Variants in FBN1 observed in about 807,000 individuals in gnomAD.
The protein encoded by FBN1 is fibrillin 1, also known as fibrillin-1.
In FBN1, 29 loss-of-function variants were observed where a neutral mutation model predicts 365.1. The ratio of observed to expected loss-of-function variants is 0.08; its 90% CI spans 0.06 to 0.11. The LOEUF (loss-of-function observed/expected upper bound fraction) is 0.11. Among genes scored for constraint, FBN1 ranks in the 10% least tolerant of loss-of-function variants. The probability of loss-of-function intolerance (pLI) is 1.00; values close to 1 mark genes in which losing one functional copy is unlikely to be tolerated. For missense variants in FBN1, 2,476 were observed against 3,703.2 expected (o/e 0.67, Z 8.60); for synonymous variants, 1,210 against 1,270.5 (o/e 0.95, Z 1.01).
At chr15:48,496,761 T>A (rs1011512091) in intron 19 of FBN1, among the ~76,000 whole-genome samples, 2 of 152,184 alleles carry the variant, frequency 1.3e-5, no homozygotes, top group Non-Finnish European at 2.9e-5. Flanking sequence ...GGAATTTAGC[T>A]TCATGATTCA....
chr15:48,411,645 T>C (rs1225199455), intron 65 of FBN1, among the ~76,000 whole-genome samples: 1 of 152,248 alleles, frequency 6.6e-6, no homozygotes, highest in South Asian at 2.1e-4. Context: ...CTGAACAAGC[T>C]GCATCAGCAT....
intron 6 of FBN1, among the ~76,000 whole-genome samples, chr15:48,539,899 T>C (rs895754270): frequency 6.6e-6 from 1 of 152,216 alleles, no homozygotes; most frequent in African/African-American, 2.4e-5. Context: ...GTATGCCAGA[T>C]TTATTCAAAA....
At chr15:48,636,981 G>A (rs1001426389) in intron 2 of FBN1, among the ~76,000 whole-genome samples, 1 of 152,192 alleles carries the variant, frequency 6.6e-6, no homozygotes, top group African/African-American at 2.4e-5. Flanking sequence ...GCCTGATCTC[G>A]TTTCCCTTTA....
At chr15:48,421,446 C>A (rs1056970998) in intron 62 of FBN1, 112 bp downstream of exon 62, 24 of 1,342,854 alleles carry the variant, frequency 1.8e-5, no homozygotes, top group Non-Finnish European at 2.1e-5. Context: ...TGAGTGCCCC[C>A]CTGGGCTCAG....
chr15:48,481,525 G>T (rs1566908023), intron 32 of FBN1, 130 bp downstream of exon 32: 1 of 1,038,510 alleles, frequency 9.6e-7, no homozygotes, highest in Non-Finnish European at 1.4e-6. Context: ...CTAAATTAAT[G>T]AAAAATGTTA....
intron 6 of FBN1, among the ~76,000 whole-genome samples, chr15:48,538,838 G>A (rs1399002382): frequency 6.6e-6 from 1 of 152,126 alleles, no homozygotes; most frequent in East Asian, 1.9e-4. Context: ...AGTGATCCCT[G>A]TGAGTCTAAA....
chr15:48,482,867 A>G (rs1023416186), intron 31 of FBN1, among the ~76,000 whole-genome samples: 3 of 152,218 alleles, frequency 2.0e-5, no homozygotes, highest in Non-Finnish European at 2.9e-5. Context: ...GGAAAGCCTC[A>G]TAATTCACAG....
intron 8 of FBN1, among the ~76,000 whole-genome samples, chr15:48,528,577 G>A: frequency 6.6e-6 from 1 of 152,104 alleles, no homozygotes; most frequent in East Asian, 1.9e-4. Context: ...ATAAAGTGAG[G>A]CTAAACCCAA....
chr15:48,409,726 A>G lies in FBN1; in HGVS notation c.*1264T>C, dbSNP rs1406956988. 6.6e-6 allele frequency: 1 copy of G among 152,210 alleles called. No individual in the cohort carries two copies. Among genetic ancestry groups the G allele is most frequent in the Non-Finnish European group, 1.5e-5 (1 of 68,036 alleles). 9.4% of individuals were successfully genotyped at this position (152,210 alleles called of 1,614,324 possible). A position where few individuals can be genotyped will look rare whatever the true frequency, so the allele number is the denominator to read the frequency against. On this transcript the variant is annotated 3_prime_UTR_variant, in exon 66 of 66. Transcript: ENST00000316623. ...AACTGTGTATATTTGAGAGGGGGGC[A>G]TGATAAATCTATTATAATGAAATTC... is the stretch of plus-strand genomic sequence containing the variant.
At chr15:48,438,088 T>C (rs1392226556) in intron 50 of FBN1, among the ~76,000 whole-genome samples, 171 bp from the exon 51 acceptor site, 1 of 152,168 alleles carries the variant, frequency 6.6e-6, no homozygotes, top group Non-Finnish European at 1.5e-5. Flanking sequence ...AAGTCATGGG[T>C]ATCTTTTGTA....
intron 4 of FBN1, among the ~76,000 whole-genome samples, chr15:48,606,738 T>C (rs753265663): frequency 6.6e-5 from 10 of 152,212 alleles, no homozygotes; most frequent in Non-Finnish European, 1.2e-4. Context: ...GAAAACTAAA[T>C]AAAGAATACC....
chr15:48,573,165 T>C (rs756009154), intron 6 of FBN1, among the ~76,000 whole-genome samples: 28 of 152,210 alleles, frequency 1.8e-4, no homozygotes, highest in Non-Finnish European at 3.1e-4. Flanking sequence ...AAATCTTTCT[T>C]TGAGATCTAT....
chr15:48,497,294 T>C lies in FBN1; in HGVS notation c.2265A>G (p.Glu755=). ...TYKCICNSGY[E]VDSTGKNCVD... is the part of the protein sequence containing the mutation. Reference sequence around the variant, plus strand: ...CGCAGTTTTTCCCAGTTGAATCCACTTCATATCCTGAATTGCATATACATT... The same window carrying C: ...CGCAGTTTTTCCCAGTTGAATCCACCTCATATCCTGAATTGCATATACATT... Residue 755 remains glutamate, a synonymous_variant, in exon 19 of 66, where the codon GAA becomes GAG. Coordinates refer to ENST00000316623, the MANE Select transcript of FBN1 (RefSeq NM_000138.5). 1 of 1,614,080 alleles carries C rather than the reference T, an allele frequency of 6.2e-7. No homozygotes were observed. The highest frequency in any genetic ancestry group is 8.5e-7 in the Non-Finnish European group (1 of 1,179,972).
intron 6 of FBN1, among the ~76,000 whole-genome samples, chr15:48,585,235 C>G (rs919380222): frequency 8.5e-5 from 13 of 152,214 alleles, no homozygotes; most frequent in Non-Finnish European, 1.6e-4. Flanking sequence ...TAAGGGCTCT[C>G]TAAGGACAGA....
At chr15:48,456,843 C>CATGTGT (rs1555396452) in intron 43 of FBN1, 81 bp from the exon 44 acceptor site, 1 of 742,924 alleles carries the variant, frequency 1.3e-6, no homozygotes, top group Non-Finnish European at 2.3e-6. Context: ...AAAGTGCGTG[C>CATGTGT]GTGTGTGTGT....
At chr15:48,481,622 TAATA>T in intron 32 of FBN1, 29 bp downstream of exon 32, 4 of 1,611,072 alleles carry the variant, frequency 2.5e-6, no homozygotes, top group Non-Finnish European at 3.4e-6. Flanking sequence ...CTTAACTACT[TAATA>T]TTTTATTGTT....
At chr15:48,609,326 T>C (rs2044639747) in intron 4 of FBN1, among the ~76,000 whole-genome samples, 1 of 152,236 alleles carries the variant, frequency 6.6e-6, no homozygotes, top group South Asian at 2.1e-4. Flanking sequence ...TCTATCCCAA[T>C]TGTAACTGGC....
At chr15:48,547,893 G>A (rs1725862831) in intron 6 of FBN1, among the ~76,000 whole-genome samples, 1 of 152,032 alleles carries the variant, frequency 6.6e-6, no homozygotes, top group Non-Finnish European at 1.5e-5. Context: ...TCAGAGTCTG[G>A]CACTGAACTC....
chr15:48,477,122 G>C (rs1349204036), intron 32 of FBN1, among the ~76,000 whole-genome samples: 2 of 152,000 alleles, frequency 1.3e-5, no homozygotes, highest in Admixed American at 6.5e-5. Flanking sequence ...CTAATGACCA[G>C]AGGTACTCTT....
Sources: gnomAD v4.1 joint callset for allele counts (sites outside exome capture counted in the v4.1 genomes callset) on GRCh38, gnomAD v4.1.1 for gene constraint, MANE v1.5 for transcripts, NCBI Gene and HGNC (gene_info 2026-07-23, HGNC 2026-07-21) for gene names.